LHFPL3: variants seen among roughly 807,000 people sequenced by gnomAD.
The protein encoded by LHFPL3 is LHFPL tetraspan subfamily member 3 protein.
Under a neutral mutation model 19.3 loss-of-function variants are expected in LHFPL3, and 5 were observed. The ratio of observed to expected loss-of-function variants is 0.26; its 90% CI spans 0.14 to 0.54. LHFPL3 has a LOEUF of 0.54. Among genes scored for constraint, LHFPL3 ranks in the 20% least tolerant of loss-of-function variants. The pLI, the probability that LHFPL3 is intolerant of heterozygous loss-of-function variation, is 0.94. For missense variants in LHFPL3, 249 were observed against 307.4 expected (o/e 0.81, Z 1.42); for synonymous variants, 133 against 126.2 (o/e 1.05, Z -0.36).
At chr7:104,705,299 A>G (rs1242907068) in intron 1 of LHFPL3, among the ~76,000 whole-genome samples, 1 of 152,114 alleles carries the variant, frequency 6.6e-6, no homozygotes, top group Non-Finnish European at 1.5e-5. Flanking sequence ...TTAAGTCTCT[A>G]GCCTCCAAAT....
chr7:104,893,963 A>T (rs547220503), intron 2 of LHFPL3, among the ~76,000 whole-genome samples: 1 of 152,262 alleles, frequency 6.6e-6, no homozygotes, highest in Admixed American at 6.5e-5. Context: ...AAAAAAAAAA[A>T]AAATGCTATT....
At chr7:104,886,489 C>CA (rs1391185153) in intron 2 of LHFPL3, among the ~76,000 whole-genome samples, 1 of 152,086 alleles carries the variant, frequency 6.6e-6, no homozygotes, top group African/African-American at 2.4e-5. Context: ...CTCAGCCTCC[C>CA]GAGTAGTTGG....
chr7:104,777,113 T>C (rs1794648086), intron 2 of LHFPL3, among the ~76,000 whole-genome samples: 1 of 152,204 alleles, frequency 6.6e-6, no homozygotes, highest in Non-Finnish European at 1.5e-5. Flanking sequence ...AGCAAAAGTA[T>C]AGCCCATAGA....
Position 104,505,004 on chromosome 7 carries a change from A to ATTC in LHFPL3, c.445+175781_445+175782insTCT, listed in dbSNP as rs202196957. On this transcript the variant is annotated intron_variant, in intron 1 of 2. Coordinates refer to ENST00000424859, the MANE Select transcript of LHFPL3 (RefSeq NM_199000.3). ...ACATATATGTGTACACATATATACT[A>ATTC]TATACATGCATATACTGTGTATACA... Among the ~76,000 whole-genome samples, 5 of 152,106 alleles carry ATTC rather than the reference A, an allele frequency of 3.3e-5. No individual in the cohort carries two copies. The East Asian group carries it at 7.7e-4, about 23-fold the overall frequency.
chr7:104,545,189 A>G (rs1198024024), intron 1 of LHFPL3, among the ~76,000 whole-genome samples: 1 of 152,184 alleles, frequency 6.6e-6, no homozygotes, highest in Non-Finnish European at 1.5e-5. Flanking sequence ...CTTCTCCACA[A>G]TCACTACCTT....
chr7:104,456,763 G>A (rs1287158203), intron 1 of LHFPL3, among the ~76,000 whole-genome samples: 1 of 152,166 alleles, frequency 6.6e-6, no homozygotes, highest in Non-Finnish European at 1.5e-5. Flanking sequence ...TAGTCGATCT[G>A]ATAACCTACA....
intron 1 of LHFPL3, among the ~76,000 whole-genome samples, chr7:104,664,497 C>G (rs1584468318): frequency 6.6e-6 from 1 of 152,190 alleles, no homozygotes; most frequent in Admixed American, 6.5e-5. Context: ...GACACTGGCT[C>G]CTTTCCTGTC....
intron 1 of LHFPL3, among the ~76,000 whole-genome samples, chr7:104,600,774 C>G (rs1400766608): frequency 6.6e-6 from 1 of 152,148 alleles, no homozygotes; most frequent in Admixed American, 6.5e-5. Context: ...TCACAGTGTA[C>G]CTGTGATTTG....
At chr7:104,842,118 A>G (rs1371072278) in intron 2 of LHFPL3, among the ~76,000 whole-genome samples, 3 of 151,730 alleles carry the variant, frequency 2.0e-5, no homozygotes, top group Non-Finnish European at 4.4e-5. Context: ...ATCAGTTTCT[A>G]AACTGTTCCC....
At chr7:104,667,823 G>A (rs1219596795) in intron 1 of LHFPL3, 5 of 1,609,198 alleles carry the variant, frequency 3.1e-6, no homozygotes, top group Non-Finnish European at 8.5e-7. Flanking sequence ...CTGAGGATGG[G>A]GGTACTGGTG....
At chr7:104,857,590 A>T (rs1308891265) in intron 2 of LHFPL3, among the ~76,000 whole-genome samples, 1 of 152,192 alleles carries the variant, frequency 6.6e-6, no homozygotes, top group Non-Finnish European at 1.5e-5. Context: ...CTCCCAGGAA[A>T]ATTAATTTCC....
At chr7:104,678,616 T>G (rs927726996) in intron 1 of LHFPL3, among the ~76,000 whole-genome samples, 1 of 152,224 alleles carries the variant, frequency 6.6e-6, no homozygotes, top group African/African-American at 2.4e-5. Flanking sequence ...GGATTATTAA[T>G]TTTATAGCAC....
intron 2 of LHFPL3, among the ~76,000 whole-genome samples, chr7:104,784,505 G>T (rs1342786293): frequency 6.6e-6 from 1 of 152,124 alleles, no homozygotes; most frequent in Non-Finnish European, 1.5e-5. Flanking sequence ...ATTAGAAAAT[G>T]ATGTCAAAAA....
At chr7:104,598,128 AG>A (rs1240942839) in intron 1 of LHFPL3, among the ~76,000 whole-genome samples, 3 of 152,222 alleles carry the variant, frequency 2.0e-5, no homozygotes, top group African/African-American at 7.2e-5. Flanking sequence ...AGCCCACAGC[AG>A]CAGAGCATCC....
At chr7:104,670,821 T>C (rs1476531899) in intron 1 of LHFPL3, among the ~76,000 whole-genome samples, 1 of 152,056 alleles carries the variant, frequency 6.6e-6, no homozygotes, top group Non-Finnish European at 1.5e-5. Flanking sequence ...GCCACACTAA[T>C]GTTTGTTGGA....
chr7:104,600,788 TCACGATTCCTATAAATAAGGAGA>T (rs1164316575), intron 1 of LHFPL3, among the ~76,000 whole-genome samples: 4 of 152,128 alleles, frequency 2.6e-5, no homozygotes, highest in Admixed American at 2.6e-4. Context: ...TGATTTGGAG[TCACGATTCCTATAAATAAGGAGA>T]CTGAGGTGCA....
At chr7:104,662,068 T>A (rs1792232551) in intron 1 of LHFPL3, among the ~76,000 whole-genome samples, 1 of 152,204 alleles carries the variant, frequency 6.6e-6, no homozygotes, top group African/African-American at 2.4e-5. Flanking sequence ...CAAAACATTA[T>A]CATTCTACTC....
chr7:104,873,880 G>A (rs73714153), intron 2 of LHFPL3, among the ~76,000 whole-genome samples: 8 of 152,182 alleles, frequency 5.3e-5, no homozygotes, highest in Admixed American at 6.5e-5. Context: ...AGCTAGTCTC[G>A]GTTGCCCTCA....
chr7:104,346,101 T>A (rs2116377700), intron 1 of LHFPL3, among the ~76,000 whole-genome samples: 1 of 151,746 alleles, frequency 6.6e-6, no homozygotes, highest in East Asian at 1.9e-4. Context: ...AGTGGTGTGA[T>A]CTTGGCTCAC....
Sources: gnomAD v4.1 joint callset for allele counts (sites outside exome capture counted in the v4.1 genomes callset) on GRCh38, gnomAD v4.1.1 for gene constraint, MANE v1.5 for transcripts, NCBI Gene and HGNC (gene_info 2026-07-23, HGNC 2026-07-21) for gene names.